Variants in ATP13A4 observed in about 807,000 individuals in gnomAD.
ATP13A4 encodes ATPase 13A4.
ATP13A4 carries 114 observed loss-of-function variants against 142.5 expected under a neutral mutation model. That is an observed-to-expected ratio of 0.80 (90% CI 0.69 to 0.93). ATP13A4 has a LOEUF of 0.93. ATP13A4 is among the 40% of genes least tolerant of loss of function. ATP13A4 has a pLI of 0.00. For synonymous variants in ATP13A4, 488 were observed against 514.8 expected (o/e 0.95, Z 0.70); for missense variants, 1,392 against 1,454.0 (o/e 0.96, Z 0.69).
chr3:193,481,320 T>C (rs896094186), intron 8 of ATP13A4, among the ~76,000 whole-genome samples: 8 of 152,228 alleles, frequency 5.3e-5, no homozygotes, highest in African/African-American at 1.9e-4. Flanking sequence ...AATTGGTTGG[T>C]TACATCACTA....
chr3:193,519,718 C>T (rs1035687850), intron 1 of ATP13A4, among the ~76,000 whole-genome samples: 21 of 142,970 alleles, frequency 1.5e-4, no homozygotes, highest in Non-Finnish European at 2.0e-4. Flanking sequence ...AATCTCGGCT[C>T]ACTGCAGCCT....
At chr3:193,462,682 T>C in intron 13 of ATP13A4, 80 bp downstream of exon 13, 2 of 1,370,018 alleles carry the variant, frequency 1.5e-6, no homozygotes, top group Non-Finnish European at 2.1e-6. Flanking sequence ...ATGTCTCCAT[T>C]CTTAATTTCA....
chr3:193,508,853 T>C (rs1248799235), intron 2 of ATP13A4, among the ~76,000 whole-genome samples: 1 of 152,200 alleles, frequency 6.6e-6, no homozygotes, highest in East Asian at 1.9e-4. Context: ...CTATTTATTA[T>C]AGATTCAACT....
At chr3:193,531,317 AGG>A (rs1722315828) in intron 1 of ATP13A4, among the ~76,000 whole-genome samples, 1 of 88,960 alleles carries the variant, frequency 1.1e-5, no homozygotes, top group African/African-American at 3.9e-5. Flanking sequence ...GAAGGAAGGA[AGG>A]AAGGAAGGAA....
At chr3:193,414,370 C>T (rs1039235793) in intron 26 of ATP13A4, among the ~76,000 whole-genome samples, 1 of 151,976 alleles carries the variant, frequency 6.6e-6, no homozygotes, top group African/African-American at 2.4e-5. Flanking sequence ...ATAAGACAGA[C>T]AAAGATAAGT....
At chr3:193,576,473 C>G (rs12489152) in intron 2 of ATP13A4, among the ~76,000 whole-genome samples, 3 of 148,468 alleles carry the variant, frequency 2.0e-5, no homozygotes, top group Admixed American at 2.0e-4. Flanking sequence ...GGGTTTCACC[C>G]TGTTAGCCAG....
At chr3:193,466,555 T>C (rs375292741) in intron 10 of ATP13A4, among the ~76,000 whole-genome samples, 77 of 152,372 alleles carry the variant, frequency 5.1e-4, no homozygotes, top group African/African-American at 1.8e-3. Flanking sequence ...ACTGATGGAC[T>C]CACTTTTCTA....
In ATP13A4 at chr3:193,472,512, G is replaced by T. The variant is rs139618553; in HGVS notation, c.809-1519C>A. Among the ~76,000 whole-genome samples, 22 of 152,306 alleles carry T rather than the reference G, an allele frequency of 1.4e-4. No individual in the cohort carries two copies. The East Asian group carries it at 3.9e-3, about 27-fold the overall frequency. ...AAAAGGTGAACGTTCTCGACTTAAA[G>T]AAAACAAAACTGTATGCTGAGGTTG... is the stretch of plus-strand genomic sequence containing the variant. On this transcript the variant is annotated intron_variant, in intron 8 of 29. Transcript: ENST00000342695.
chr3:193,564,124 G>A (rs940861636), intron 2 of ATP13A4, among the ~76,000 whole-genome samples: 2 of 152,216 alleles, frequency 1.3e-5, no homozygotes, highest in Non-Finnish European at 2.9e-5. Context: ...CAGAACAAGA[G>A]CATTCAGAAA....
At chr3:193,470,720 G>A (rs904319072) in intron 9 of ATP13A4, 139 bp downstream of exon 9, 2 of 1,207,640 alleles carry the variant, frequency 1.7e-6, no homozygotes. Context: ...AAGATTTGTG[G>A]CAACGGGAAG....
At chr3:193,586,794 T>C (rs1272205555) in intron 1 of ATP13A4, among the ~76,000 whole-genome samples, 1 of 152,256 alleles carries the variant, frequency 6.6e-6, no homozygotes, top group Non-Finnish European at 1.5e-5. Flanking sequence ...GGTAGGTTTA[T>C]AAATGCTCTG....
intron 1 of ATP13A4, among the ~76,000 whole-genome samples, chr3:193,541,853 A>G (rs556119308): frequency 6.6e-6 from 1 of 152,308 alleles, no homozygotes; most frequent in South Asian, 2.1e-4. Flanking sequence ...GGCTAAGACT[A>G]TTGAAAGAAA....
intron 1 of ATP13A4, among the ~76,000 whole-genome samples, chr3:193,530,979 T>C (rs963799010): frequency 3.9e-5 from 6 of 152,134 alleles, no homozygotes; most frequent in Non-Finnish European, 8.8e-5. Context: ...CCGAATGGAA[T>C]GTGCTTTGTC....
Position 193,467,359 on chromosome 3 carries a change from C to T in ATP13A4, c.1071G>A (p.Lys357=). Residue 357 remains lysine (K), a synonymous_variant, in exon 10 of 30, where the codon AAG becomes AAA. Coordinates refer to ENST00000342695, the MANE Select transcript of ATP13A4 (RefSeq NM_032279.4). ...LFCGTEVIQA[K]AACSGTVRAV... ...CTCTCACGGTCCCAGAGCAAGCTGC[C>T]TTGGCCTGGATAACCTCTGTTCCAC... 4 of 1,614,166 alleles carry T rather than the reference C, an allele frequency of 2.5e-6. No homozygotes were observed. The highest frequency in any genetic ancestry group is 3.4e-6 in the Non-Finnish European group (4 of 1,180,040).
At chr3:193,537,644 A>C (rs1363631767) in intron 1 of ATP13A4, among the ~76,000 whole-genome samples, 1 of 152,188 alleles carries the variant, frequency 6.6e-6, no homozygotes, top group African/African-American at 2.4e-5. Context: ...TGCTGAGAAG[A>C]GGAAAAGAAA....
chr3:193,586,792 T>G (rs1724680521), intron 1 of ATP13A4, among the ~76,000 whole-genome samples: 1 of 152,264 alleles, frequency 6.6e-6, no homozygotes, highest in African/African-American at 2.4e-5. Flanking sequence ...AGGGTAGGTT[T>G]ATAAATGCTC....
In ATP13A4 at chr3:193,564,137, G is replaced by T. The variant is rs374135580; in HGVS notation, n.291+17570C>A. The stretch of plus-strand genomic sequence containing the variant: ...ATCAGAACAAGAGCATTCAGAAAAG[G>T]CCTGGCTAACCCAGAGGCCTTGCCA... On this transcript the variant is annotated intron_variant and non_coding_transcript_variant, in intron 2 of 3. Coordinates refer to the ATP13A4 transcript ENST00000489140. Among the ~76,000 whole-genome samples, 8 of 152,330 alleles carry T rather than the reference G, an allele frequency of 5.3e-5. No homozygotes were observed. The South Asian group carries it at 1.7e-3, about 32-fold the overall frequency.
At chr3:193,454,828 A>G (rs987575057) in intron 16 of ATP13A4, among the ~76,000 whole-genome samples, 1 of 152,214 alleles carries the variant, frequency 6.6e-6, no homozygotes, top group African/African-American at 2.4e-5. Flanking sequence ...CAAAGATGCC[A>G]AAAACAATTG....
At position 193,495,424 on chromosome 3, in the gene ATP13A4, T is replaced by C. The variant is rs146752952; in HGVS notation, c.382-2264A>G. The stretch of plus-strand genomic sequence containing the variant: ...TGGAATTCATCCCAGGATACAAGGA[T>C]GATTCAACATATGCAAATGAATAAA... On this transcript the variant is annotated intron_variant, in intron 3 of 29. Transcript: ENST00000342695. 4.3e-4 allele frequency among the ~76,000 whole-genome samples: 66 copies of C among 152,252 alleles called. No individual in the cohort carries two copies. The East Asian group carries it at 0.013, about 29-fold the overall frequency.
Sources: allele counts gnomAD v4.1 joint callset (sites outside exome capture counted in the v4.1 genomes callset), GRCh38; gene constraint gnomAD v4.1.1; transcripts MANE v1.5; gene names NCBI Gene and HGNC (gene_info 2026-07-23, HGNC 2026-07-21).